Variants in KIF20B observed in about 807,000 individuals in gnomAD.
The protein encoded by KIF20B is kinesin-like protein KIF20B.
A neutral mutation model predicts 232.5 loss-of-function variants in KIF20B; 188 were observed. The observed-to-expected ratio is 0.81, with a 90% CI of 0.72 to 0.91. The LOEUF (loss-of-function observed/expected upper bound fraction) is 0.91, where lower values mean the gene tolerates loss of function less well. Among genes scored for constraint, KIF20B ranks in the 40% least tolerant of loss-of-function variants. The pLI is 0.00. For missense variants in KIF20B, 2,154 were observed against 2,055.9 expected (o/e 1.05, Z -0.92); for synonymous variants, 712 against 683.0 (o/e 1.04, Z -0.66).
intron 18 of KIF20B, among the ~76,000 whole-genome samples, chr10:89,732,079 A>G (rs1471224773): frequency 1.3e-5 from 2 of 151,820 alleles, no homozygotes; most frequent in Non-Finnish European, 2.9e-5. Context: ...TTCTAAATCC[A>G]TATTATACCC....
chr10:89,741,374 C>T lies in KIF20B; in HGVS notation c.3915+2278C>T, dbSNP rs567258469. Among the ~76,000 whole-genome samples the T allele has an allele frequency of 2.6e-5, 4 of 152,322 alleles. No homozygotes were observed. The East Asian group carries it at 7.7e-4, about 29-fold the overall frequency. On this transcript the variant is annotated intron_variant, in intron 21 of 32. Coordinates refer to ENST00000371728, the MANE Select transcript of KIF20B (RefSeq NM_001284259.2). ...TCCTGCTGTGTGGCCCAGTTCCTAA[C>T]AAGCTATGGATCAGTATTTGTCTGT...
chr10:89,711,655 C>G (rs1355835330), intron 6 of KIF20B, among the ~76,000 whole-genome samples: 1 of 151,480 alleles, frequency 6.6e-6, no homozygotes, highest in African/African-American at 2.4e-5. Flanking sequence ...ATCTTCATAC[C>G]TTTGTTTTTA....
intron 6 of KIF20B, among the ~76,000 whole-genome samples, chr10:89,712,721 T>C (rs1842859679): frequency 6.6e-6 from 1 of 152,208 alleles, no homozygotes; most frequent in East Asian, 1.9e-4. Context: ...TATAAGGTGG[T>C]ACCATATAAA....
At chr10:89,772,964 G>A in intron 32 of KIF20B, 133 bp downstream of exon 32, 2 of 666,666 alleles carry the variant, frequency 3.0e-6, no homozygotes, top group Non-Finnish European at 2.4e-6. Flanking sequence ...AGTCTCACAT[G>A]TGTTAAGTTT....
chr10:89,743,171 A>C (rs1195154192), intron 21 of KIF20B, among the ~76,000 whole-genome samples: 1 of 152,202 alleles, frequency 6.6e-6, no homozygotes, highest in African/African-American at 2.4e-5. Flanking sequence ...AGATGTACTG[A>C]AAGGTTTCAG....
intron 26 of KIF20B, among the ~76,000 whole-genome samples, chr10:89,757,069 T>TATATACACAC (rs138088478): frequency 3.7e-5 from 5 of 134,366 alleles, no homozygotes; most frequent in African/African-American, 1.4e-4. Flanking sequence ...TATATATATA[T>TATATACACAC]ACACACATGA....
intron 13 of KIF20B, among the ~76,000 whole-genome samples, chr10:89,720,619 CTAAT>C (rs1025372590): frequency 2.6e-5 from 4 of 152,164 alleles, no homozygotes; most frequent in Non-Finnish European, 2.9e-5. Flanking sequence ...TTCAAAAACA[CTAAT>C]TGTTTGTCGT....
intron 15 of KIF20B, among the ~76,000 whole-genome samples, 167 bp from the exon 16 acceptor site, chr10:89,726,126 T>C (rs1452067428): frequency 1.3e-5 from 2 of 152,200 alleles, no homozygotes; most frequent in African/African-American, 4.8e-5. Flanking sequence ...AAATAAATAA[T>C]GGAACACAGG....
rs552465922 is a variant in KIF20B at position 89,774,826 on chromosome 10, T to G, written c.*778T>G. On this transcript the variant is annotated 3_prime_UTR_variant, in exon 33 of 33. Coordinates refer to ENST00000371728, the MANE Select transcript of KIF20B (RefSeq NM_001284259.2). ...CCCATTAACCATCCCCACCTCCCCC[T>G]GCAACCGTCAGTACCCTTACCAGCC... is the stretch of plus-strand genomic sequence containing the variant. 14 of 152,100 alleles carry G rather than the reference T, an allele frequency of 9.2e-5. No individual in the cohort carries two copies. Among genetic ancestry groups the G allele is most frequent in the African/African-American group, 2.9e-4 (12 of 41,556 alleles). The allele number at this position is 152,100 out of a possible 1,614,324, so 9.4% of individuals were successfully genotyped here.
At chr10:89,727,141 C>T (rs567439335) in intron 16 of KIF20B, among the ~76,000 whole-genome samples, 1 of 152,022 alleles carries the variant, frequency 6.6e-6, no homozygotes, top group Non-Finnish European at 1.5e-5. Flanking sequence ...TAAATTCTTG[C>T]AGTATAGAAG....
chr10:89,751,314 T>A (rs756425074), intron 23 of KIF20B, 32 bp from the exon 24 acceptor site: 2 of 1,555,440 alleles, frequency 1.3e-6, no homozygotes, highest in Non-Finnish European at 1.7e-6. Context: ...TAGAGGCTAT[T>A]AATTTCTAAA....
intron 2 of KIF20B, among the ~76,000 whole-genome samples, chr10:89,708,840 A>C (rs1842780061): frequency 6.6e-6 from 1 of 152,166 alleles, no homozygotes; most frequent in African/African-American, 2.4e-5. Flanking sequence ...AGAATATTCT[A>C]GTTACTTTTG....
chr10:89,761,962 A>G (rs1842251567), intron 28 of KIF20B, among the ~76,000 whole-genome samples: 1 of 152,168 alleles, frequency 6.6e-6, no homozygotes, highest in African/African-American at 2.4e-5. Context: ...GATATACTTA[A>G]CTGGGCTGAA....
rs761872593 is a variant in KIF20B at position 89,727,860 on chromosome 10, A to G, written c.2235A>G (p.Ser745=). 8.4e-6 allele frequency: 13 copies of G among 1,552,844 alleles called. No homozygotes were observed. Among genetic ancestry groups the G allele is most frequent in the Non-Finnish European group, 1.1e-5 (13 of 1,137,276 alleles). The change falls in exon 17 of 33, where the codon TCA becomes TCG. Residue 745 remains serine, a synonymous_variant. Coordinates refer to ENST00000371728, the MANE Select transcript of KIF20B (RefSeq NM_001284259.2). ...CAATGTTCTTTATTTTTTCAGAATC[A>G]GATTCATTGATTCAAGAGCTTGAGA... ...KEELKKRENE[S]DSLIQELETS...
chr10:89,718,622 T>C lies in KIF20B; in HGVS notation c.1272-88T>C. Reference sequence around the variant, plus strand: ...AAAGTTTAATTTCATGATAGGTGGCTTAATTATTTCTTTGTAAAATGTCTC... The same window carrying C: ...AAAGTTTAATTTCATGATAGGTGGCCTAATTATTTCTTTGTAAAATGTCTC... On this transcript the variant is annotated intron_variant, in intron 11 of 32. Coordinates refer to ENST00000371728, the MANE Select transcript of KIF20B (RefSeq NM_001284259.2). 2.0e-6 allele frequency: 2 copies of C among 991,176 alleles called. 1 individual carries two copies. The highest frequency in any genetic ancestry group is 2.9e-5 in the South Asian group (2 of 69,158). The allele number at this position is 991,176 out of a possible 1,614,324, so 61.4% of individuals were successfully genotyped here. A position where few individuals can be genotyped will look rare whatever the true frequency, so the allele number is the denominator to read the frequency against.
At chr10:89,751,044 A>T (rs1360637083) in intron 23 of KIF20B, among the ~76,000 whole-genome samples, 1 of 151,956 alleles carries the variant, frequency 6.6e-6, no homozygotes, top group East Asian at 1.9e-4. Context: ...AGTTAGTTGT[A>T]TCGGAATAGT....
chr10:89,726,233 C>A (rs887104112), intron 15 of KIF20B, 60 bp from the exon 16 acceptor site: 16 of 1,414,302 alleles, frequency 1.1e-5, no homozygotes, highest in Admixed American at 3.0e-5. Flanking sequence ...TTAGATGGTA[C>A]CACATGTAAA....
At chr10:89,713,806 A>AAATATT (rs1842881980) in intron 6 of KIF20B, among the ~76,000 whole-genome samples, 2 of 152,186 alleles carry the variant, frequency 1.3e-5, no homozygotes, top group South Asian at 4.1e-4. Context: ...AAATATTTTA[A>AAATATT]AATATTAATA....
chr10:89,741,272 A>G (rs1042908810), intron 21 of KIF20B, among the ~76,000 whole-genome samples: 11 of 152,132 alleles, frequency 7.2e-5, no homozygotes, highest in Admixed American at 6.5e-4. Flanking sequence ...CAGTAGGCGG[A>G]GCTCAGGCGG....
Sources: allele counts gnomAD v4.1 joint callset (sites outside exome capture counted in the v4.1 genomes callset), GRCh38; gene constraint gnomAD v4.1.1; transcripts MANE v1.5; gene names NCBI Gene and HGNC (gene_info 2026-07-23, HGNC 2026-07-21).